Variants in BCKDHB observed in about 807,000 individuals in gnomAD.
BCKDHB encodes the protein branched chain keto acid dehydrogenase E1 subunit beta.
A neutral mutation model predicts 48.5 loss-of-function variants in BCKDHB; 41 were observed. The ratio of observed to expected loss-of-function variants is 0.85; its 90% CI spans 0.66 to 1.10. BCKDHB has a LOEUF of 1.10. Among genes scored for constraint, BCKDHB ranks in the 50% least tolerant of loss-of-function variants. The pLI is 0.00. For synonymous variants in BCKDHB, 201 were observed against 174.8 expected (o/e 1.15, Z -1.18); for missense variants, 496 against 494.2 (o/e 1.00, Z -0.03).
At chr6:80,384,339 C>T in the BCKDHB span, among the ~76,000 whole-genome samples, 2 of 23,496 alleles carry the variant, frequency 8.5e-5, no homozygotes, top group African/African-American at 1.4e-4. Context: ...TCTTCTTCTT[C>T]TTCTTCTTCT....
intron 8 of BCKDHB, among the ~76,000 whole-genome samples, chr6:80,263,544 G>A (rs1464111380): frequency 6.6e-6 from 1 of 152,002 alleles, no homozygotes; most frequent in African/African-American, 2.4e-5. Flanking sequence ...TTTAAGCCTT[G>A]CCCATGTATT....
chr6:80,241,995 G>A (rs1327078365), intron 8 of BCKDHB, among the ~76,000 whole-genome samples: 1 of 152,096 alleles, frequency 6.6e-6, no homozygotes, highest in African/African-American at 2.4e-5. Flanking sequence ...TCCTTTCTCA[G>A]TCTGTGGCTT....
At chr6:80,460,095 T>G in the BCKDHB span, among the ~76,000 whole-genome samples, 2 of 152,152 alleles carry the variant, frequency 1.3e-5, no homozygotes, top group Non-Finnish European at 2.9e-5. Flanking sequence ...GTAAGAAATA[T>G]CCTTACTAAA....
chr6:80,330,495 T>C (rs1562234244), intron 9 of BCKDHB, among the ~76,000 whole-genome samples: 1 of 152,206 alleles, frequency 6.6e-6, no homozygotes, highest in South Asian at 2.1e-4. Flanking sequence ...TCTGATCCAT[T>C]TGGGCTTGTA....
At chr6:80,408,749 T>C in the BCKDHB span, among the ~76,000 whole-genome samples, 1 of 151,974 alleles carries the variant, frequency 6.6e-6, no homozygotes, top group Non-Finnish European at 1.5e-5. Flanking sequence ...TTCTCTCTTT[T>C]CTTCTTTATT....
At chr6:80,200,225 A>G (rs1237895137) in intron 6 of BCKDHB, among the ~76,000 whole-genome samples, 2 of 152,120 alleles carry the variant, frequency 1.3e-5, no homozygotes, top group Admixed American at 6.6e-5. Context: ...GAAGTTCATA[A>G]AATGGTTTTC....
At chr6:80,176,992 A>C (rs985144157) in intron 6 of BCKDHB, among the ~76,000 whole-genome samples, 2 of 152,122 alleles carry the variant, frequency 1.3e-5, no homozygotes, top group African/African-American at 4.8e-5. Context: ...TGGGAGGCTG[A>C]GGTGGGAGGA....
At chr6:80,464,639 T>A in the BCKDHB span, among the ~76,000 whole-genome samples, 1 of 152,208 alleles carries the variant, frequency 6.6e-6, no homozygotes, top group Non-Finnish European at 1.5e-5. Context: ...GCTTGCCCTT[T>A]ATTCCTCACA....
the BCKDHB span, among the ~76,000 whole-genome samples, chr6:80,440,080 T>A: frequency 6.6e-6 from 1 of 152,152 alleles, no homozygotes; most frequent in African/African-American, 2.4e-5. Flanking sequence ...GTGATCAAGA[T>A]TTACTGGTAG....
At chr6:80,418,415 G>A in the BCKDHB span, among the ~76,000 whole-genome samples, 3 of 152,096 alleles carry the variant, frequency 2.0e-5, no homozygotes, top group Non-Finnish European at 4.4e-5. Context: ...CACCTTTGTG[G>A]GTTTATCTAC....
the BCKDHB span, among the ~76,000 whole-genome samples, chr6:80,393,759 C>T: frequency 6.6e-6 from 1 of 152,192 alleles, no homozygotes; most frequent in Non-Finnish European, 1.5e-5. Flanking sequence ...GCTTGACTTC[C>T]TTTTGTCAAT....
chr6:80,218,188 C>T (rs1417712131), intron 8 of BCKDHB, among the ~76,000 whole-genome samples: 2 of 152,062 alleles, frequency 1.3e-5, no homozygotes, highest in African/African-American at 4.8e-5. Flanking sequence ...TGGACTTTTC[C>T]TTGCTCAGTC....
chr6:80,343,685 G>C lies in BCKDHB; in HGVS notation c.1060G>C (p.Glu354Gln). ...GCAGGAGGAATGTTTCTTGAACCTA[G>C]AGGCTCCTATATCAAGAGTATGTGG... ...TVQEECFLNL[E>Q]APISRVCGYD... The change falls in exon 10 of 10, where the codon GAG (glutamate) becomes CAG (glutamine). Residue 354 changes from glutamate to glutamine, a missense_variant. Coordinates refer to ENST00000320393, the MANE Select transcript of BCKDHB (RefSeq NM_183050.4). 1.2e-6 allele frequency: 2 copies of C among 1,614,002 alleles called. No individual in the cohort carries two copies. The highest frequency in any genetic ancestry group is 1.7e-6 in the Non-Finnish European group (2 of 1,179,964).
the BCKDHB span, among the ~76,000 whole-genome samples, chr6:80,446,243 A>G: frequency 6.6e-6 from 1 of 152,358 alleles, no homozygotes; most frequent in East Asian, 1.9e-4. Context: ...ATGGATCATT[A>G]GTTATACAAC....
chr6:80,410,137 G>T, the BCKDHB span, among the ~76,000 whole-genome samples: 1 of 152,128 alleles, frequency 6.6e-6, no homozygotes, highest in Non-Finnish European at 1.5e-5. Flanking sequence ...TGTAAGGCAG[G>T]CCTGGTGGTG....
intron 9 of BCKDHB, among the ~76,000 whole-genome samples, chr6:80,311,645 C>CTAA (rs1410878219): frequency 1.3e-5 from 2 of 152,036 alleles, no homozygotes; most frequent in Non-Finnish European, 1.5e-5. Context: ...TTTCTGCATA[C>CTAA]GATTAGCCAG....
intron 8 of BCKDHB, among the ~76,000 whole-genome samples, chr6:80,246,117 A>G (rs977269079): frequency 7.9e-5 from 12 of 152,184 alleles, no homozygotes; most frequent in Non-Finnish European, 1.8e-4. Flanking sequence ...GACATTTTAA[A>G]CCAATATGTT....
At chr6:80,359,190 A>G in the BCKDHB span, among the ~76,000 whole-genome samples, 2 of 152,084 alleles carry the variant, frequency 1.3e-5, no homozygotes, top group Non-Finnish European at 2.9e-5. Flanking sequence ...CCTGCTCCCA[A>G]AGCCTCTCCC....
chr6:80,409,631 T>TATATATAA, the BCKDHB span, among the ~76,000 whole-genome samples: 3 of 111,438 alleles, frequency 2.7e-5, no homozygotes, highest in South Asian at 3.1e-4. Context: ...TATATATATA[T>TATATATAA]GATAGTTAGT....
Sources: allele counts gnomAD v4.1 joint callset (sites outside exome capture counted in the v4.1 genomes callset), GRCh38; gene constraint gnomAD v4.1.1; transcripts MANE v1.5; gene names NCBI Gene and HGNC (gene_info 2026-07-23, HGNC 2026-07-21).